Variants in KCND2 observed in about 807,000 individuals in gnomAD.
KCND2 encodes potassium voltage-gated channel subfamily D member 2.
Under a neutral mutation model 54.4 loss-of-function variants are expected in KCND2, and 16 were observed. That is an observed-to-expected ratio of 0.29 (90% CI 0.20 to 0.45). The LOEUF (loss-of-function observed/expected upper bound fraction) is 0.45. Ranked by LOEUF, KCND2 falls within the 20% of genes least tolerant of loss-of-function variation. The pLI is 1.00. For synonymous variants in KCND2, 317 were observed against 310.7 expected, an observed-to-expected ratio of 1.02 and a Z score of -0.21; for missense variants, 486 against 824.2, an observed-to-expected ratio of 0.59 and a Z score of 5.02.
chr7:120,737,905 A>C (rs1792894681), intron 2 of KCND2, among the ~76,000 whole-genome samples: 1 of 151,976 alleles, frequency 6.6e-6, no homozygotes, highest in Non-Finnish European at 1.5e-5. Context: ...TTTGGTAACA[A>C]GATGGCCCAA....
At chr7:120,480,295 T>C (rs1268671902) in intron 1 of KCND2, among the ~76,000 whole-genome samples, 3 of 152,108 alleles carry the variant, frequency 2.0e-5, no homozygotes, top group Non-Finnish European at 2.9e-5. Flanking sequence ...AGAGGAAATA[T>C]GTAAGCCATT....
At chr7:120,512,083 G>A (rs1803124052) in intron 1 of KCND2, among the ~76,000 whole-genome samples, 1 of 152,046 alleles carries the variant, frequency 6.6e-6, no homozygotes, top group African/African-American at 2.4e-5. Context: ...CTGAATAATT[G>A]AGAGTTGATT....
intron 1 of KCND2, among the ~76,000 whole-genome samples, chr7:120,604,422 C>T (rs901409534): frequency 4.0e-5 from 6 of 150,624 alleles, no homozygotes; most frequent in Admixed American, 6.6e-5. Flanking sequence ...CACTTCAACC[C>T]GGGGCGGGCA....
chr7:120,387,719 T>A (rs995793784), intron 1 of KCND2, among the ~76,000 whole-genome samples: 1 of 152,064 alleles, frequency 6.6e-6, no homozygotes, highest in Admixed American at 6.6e-5. Flanking sequence ...CTTTTTTTCT[T>A]CCACAATTGA....
At chr7:120,582,247 T>C (rs188789902) in intron 1 of KCND2, among the ~76,000 whole-genome samples, 3 of 152,210 alleles carry the variant, frequency 2.0e-5, no homozygotes, top group African/African-American at 7.2e-5. Flanking sequence ...GACCTCTCCA[T>C]TGTGATTTTT....
intron 1 of KCND2, among the ~76,000 whole-genome samples, chr7:120,373,041 C>A (rs1800785242): frequency 6.6e-6 from 1 of 151,842 alleles, no homozygotes; most frequent in Admixed American, 6.6e-5. Flanking sequence ...AAAATGATAC[C>A]TTTCAGTGAC....
chr7:120,622,843 C>A (rs952093789), intron 1 of KCND2, among the ~76,000 whole-genome samples: 24 of 152,140 alleles, frequency 1.6e-4, no homozygotes, highest in African/African-American at 5.1e-4. Flanking sequence ...GAAAAAAATT[C>A]TCCTCTGGGG....
intron 1 of KCND2, among the ~76,000 whole-genome samples, chr7:120,389,598 G>GGTTT (rs202083816): frequency 2.6e-5 from 4 of 151,042 alleles, no homozygotes; most frequent in African/African-American, 9.7e-5. Context: ...TAAGGTTTTT[G>GGTTT]GTTTGTTTGT....
intron 1 of KCND2, among the ~76,000 whole-genome samples, chr7:120,585,196 A>G (rs1792577594): frequency 6.6e-6 from 1 of 152,044 alleles, no homozygotes. Context: ...TTTTTTAAAG[A>G]AAATCTCCTG....
In KCND2 at chr7:120,747,664, A is replaced by ATT; in HGVS notation, c.1716-9_1716-8dup. On this transcript the variant is annotated splice_polypyrimidine_tract_variant and intron_variant, in intron 5 of 5. Transcript: ENST00000331113. ...AAGTAAACAACTTACTTTCCTAAAT[A>ATT]TTTTTTTTTCTATCAGCCGATCCAG... 1.3e-6 allele frequency: 2 copies of ATT among 1,571,664 alleles called. No homozygotes were observed. The highest frequency in any genetic ancestry group is 1.4e-5 in the African/African-American group (1 of 73,926).
At chr7:120,677,542 GATATAGAT>G (rs1240850643) in intron 1 of KCND2, among the ~76,000 whole-genome samples, 3,363 of 139,662 alleles carry the variant, frequency 0.024, 57 homozygotes, top group Non-Finnish European at 0.031. Context: ...TATAGATATA[GATATAGAT>G]ATATAGATAT....
At chr7:120,335,914 A>G (rs1410199427) in intron 1 of KCND2, among the ~76,000 whole-genome samples, 1 of 152,210 alleles carries the variant, frequency 6.6e-6, no homozygotes, top group Admixed American at 6.5e-5. Context: ...AGGTTCTTTT[A>G]AATATTTTTT....
chr7:120,546,624 A>G lies in KCND2; in HGVS notation c.1116-186279A>G, dbSNP rs564181129. ...TTCATGTCCTTTATTTGTATTTTTTATAATTCTTCTATCTCCTGGGAAACA... is the reference window on the plus strand; with the variant it reads ...TTCATGTCCTTTATTTGTATTTTTTGTAATTCTTCTATCTCCTGGGAAACA... On this transcript the variant is annotated intron_variant, in intron 1 of 5. Transcript: ENST00000331113. 3.0e-4 allele frequency among the ~76,000 whole-genome samples: 45 copies of G among 152,000 alleles called. No individual in the cohort carries two copies. In the East Asian group the frequency reaches 3.1e-3, roughly 10 times the overall value.
intron 1 of KCND2, among the ~76,000 whole-genome samples, chr7:120,592,217 G>A (rs1792680986): frequency 6.6e-6 from 1 of 152,068 alleles, no homozygotes; most frequent in African/African-American, 2.4e-5. Context: ...GTAGAGACAT[G>A]TTTTGTTTGT....
chr7:120,742,216 C>A (rs1185234901), intron 3 of KCND2: 1 of 361,522 alleles, frequency 2.8e-6, no homozygotes, highest in Non-Finnish European at 5.2e-6. Flanking sequence ...TAAATTTGAT[C>A]ATCAAAACAT....
intron 1 of KCND2, among the ~76,000 whole-genome samples, chr7:120,420,462 GC>G (rs1214385795): frequency 1.3e-5 from 2 of 152,178 alleles, no homozygotes; most frequent in Admixed American, 1.3e-4. Flanking sequence ...AAAAGAAAGA[GC>G]TTGGTGATGG....
intron 1 of KCND2, among the ~76,000 whole-genome samples, chr7:120,569,586 T>C (rs1402546059): frequency 2.6e-5 from 4 of 152,070 alleles, no homozygotes; most frequent in Admixed American, 2.0e-4. Flanking sequence ...CCATTAATTG[T>C]TTAAAAAACA....
chr7:120,584,907 T>A (rs2116449007), intron 1 of KCND2, among the ~76,000 whole-genome samples: 1 of 152,320 alleles, frequency 6.6e-6, no homozygotes, highest in Admixed American at 6.5e-5. Context: ...ACCAAAAAAA[T>A]TCAACAGTAG....
At chr7:120,620,204 A>T (rs914785033) in intron 1 of KCND2, among the ~76,000 whole-genome samples, 1 of 152,030 alleles carries the variant, frequency 6.6e-6, no homozygotes, top group Non-Finnish European at 1.5e-5. Context: ...GCTACCATTC[A>T]TTCTCTCATA....
Sources: gnomAD v4.1 joint callset for allele counts (sites outside exome capture counted in the v4.1 genomes callset) on GRCh38, gnomAD v4.1.1 for gene constraint, MANE v1.5 for transcripts, NCBI Gene and HGNC (gene_info 2026-07-23, HGNC 2026-07-21) for gene names.